Variants in CCSER1 observed in about 807,000 individuals in gnomAD.
CCSER1 encodes the protein serine-rich coiled-coil domain-containing protein 1.
A neutral mutation model predicts 82.0 loss-of-function variants in CCSER1; 41 were observed. That is an observed-to-expected ratio of 0.50 (90% CI 0.39 to 0.65). The LOEUF is 0.65. Ranked by LOEUF, CCSER1 falls within the 30% of genes least tolerant of loss-of-function variation. The pLI is 0.00. For missense variants in CCSER1, 1,119 were observed against 1,064.2 expected (o/e 1.05, Z -0.72); for synonymous variants, 414 against 383.9 (o/e 1.08, Z -0.92).
intron 8 of CCSER1, among the ~76,000 whole-genome samples, chr4:90,836,182 A>G (rs1477648239): frequency 6.6e-6 from 1 of 152,198 alleles, no homozygotes; most frequent in Non-Finnish European, 1.5e-5. Flanking sequence ...GTCCATCCAC[A>G]TCCATGCCCC....
chr4:91,119,554 C>G (rs1726912857), intron 10 of CCSER1, among the ~76,000 whole-genome samples: 1 of 151,502 alleles, frequency 6.6e-6, no homozygotes, highest in Non-Finnish European at 1.5e-5. Flanking sequence ...CTTTTATAAC[C>G]AAAACACAGT....
intron 9 of CCSER1, among the ~76,000 whole-genome samples, chr4:91,031,221 A>G (rs1228105881): frequency 6.6e-6 from 1 of 152,088 alleles, no homozygotes; most frequent in East Asian, 1.9e-4. Context: ...ACCTGTAATT[A>G]ATTTTTCACA....
intron 5 of CCSER1, among the ~76,000 whole-genome samples, chr4:90,570,712 T>G (rs910266968): frequency 6.6e-5 from 10 of 152,064 alleles, no homozygotes; most frequent in African/African-American, 2.4e-4. Flanking sequence ...GGGAGTCATC[T>G]TTTGCCTCCG....
At chr4:90,983,161 G>A (rs1736273346) in intron 9 of CCSER1, among the ~76,000 whole-genome samples, 1 of 151,634 alleles carries the variant, frequency 6.6e-6, no homozygotes, top group Non-Finnish European at 1.5e-5. Flanking sequence ...TAAAATAAAA[G>A]CAATTCCATT....
intron 1 of CCSER1, among the ~76,000 whole-genome samples, chr4:90,208,155 C>G (rs1739267034): frequency 6.6e-6 from 1 of 152,164 alleles, no homozygotes; most frequent in Non-Finnish European, 1.5e-5. Context: ...ATCTATAAGT[C>G]CCTGACTGGG....
At chr4:90,550,255 T>A (rs889523936) in intron 5 of CCSER1, among the ~76,000 whole-genome samples, 3 of 152,170 alleles carry the variant, frequency 2.0e-5, no homozygotes, top group Non-Finnish European at 2.9e-5. Context: ...TACAGCATAC[T>A]CAAAGTAATG....
chr4:91,366,811 T>C (rs1749647895), intron 10 of CCSER1, among the ~76,000 whole-genome samples: 1 of 152,214 alleles, frequency 6.6e-6, no homozygotes, highest in Non-Finnish European at 1.5e-5. Flanking sequence ...TAATGCAGTT[T>C]CACTATACAT....
chr4:90,253,244 A>G (rs1722706089), intron 1 of CCSER1, among the ~76,000 whole-genome samples: 1 of 152,138 alleles, frequency 6.6e-6, no homozygotes. Context: ...AGGAATGGAA[A>G]GAAATGTGCA....
At position 91,265,002 on chromosome 4, in the gene CCSER1, A is replaced by G. The variant is rs373645017; in HGVS notation, c.2217+179008A>G. Reference sequence around the variant, plus strand: ...TTTGGCTAAAATGACTTAAGGCACAATTAGCATTCATTGTGTATAAAGAAT... The same window carrying G: ...TTTGGCTAAAATGACTTAAGGCACAGTTAGCATTCATTGTGTATAAAGAAT... On this transcript the variant is annotated intron_variant, in intron 10 of 10. Transcript: ENST00000509176. Among the ~76,000 whole-genome samples the G allele has an allele frequency of 2.6e-5, 4 of 152,032 alleles. No homozygotes were observed. In the East Asian group the frequency reaches 5.8e-4, roughly 22 times the overall value.
At chr4:91,374,208 A>G (rs913205357) in intron 10 of CCSER1, among the ~76,000 whole-genome samples, 5 of 152,226 alleles carry the variant, frequency 3.3e-5, no homozygotes, top group African/African-American at 1.2e-4. Context: ...CATTTCAAAT[A>G]GCATATTTAC....
intron 5 of CCSER1, among the ~76,000 whole-genome samples, chr4:90,603,548 GAAGGA>G (rs1243062155): frequency 6.6e-6 from 1 of 152,174 alleles, no homozygotes; most frequent in Non-Finnish European, 1.5e-5. Flanking sequence ...GTATATAGAT[GAAGGA>G]GAGTGATGTT....
chr4:90,483,606 G>A (rs1275350634), intron 5 of CCSER1, among the ~76,000 whole-genome samples: 1 of 152,174 alleles, frequency 6.6e-6, no homozygotes, highest in Admixed American at 6.5e-5. Flanking sequence ...TGTCTGTAAA[G>A]TATTTTATTT....
chr4:91,585,431 A>G (rs1001566019), intron 10 of CCSER1, among the ~76,000 whole-genome samples: 16 of 151,450 alleles, frequency 1.1e-4, no homozygotes, highest in Admixed American at 6.0e-4. Flanking sequence ...TGGGAGAAAA[A>G]TTTGACACAA....
Position 90,322,322 on chromosome 4 carries a change from T to C in CCSER1, c.1509+9275T>C, listed in dbSNP as rs1397732723. Among the ~76,000 whole-genome samples the C allele has an allele frequency of 2.0e-5, 3 of 152,348 alleles. No individual in the cohort carries two copies. In the East Asian group the frequency reaches 5.8e-4, roughly 29 times the overall value. On this transcript the variant is annotated intron_variant, in intron 3 of 10. Transcript: ENST00000509176. ...GGATTTATTTCTGAGATCTCTACTC[T>C]GTTCCATTGGTCTGCGTGTCTGTTT...
chr4:90,932,986 A>AAGAGAGAAAG (rs1207260853), intron 9 of CCSER1, among the ~76,000 whole-genome samples: 5 of 29,174 alleles, frequency 1.7e-4, no homozygotes, highest in Middle Eastern at 0.014. Context: ...AAGAAAGAGA[A>AAGAGAGAAAG]AGAAAGAAAG....
chr4:91,139,114 A>G (rs1728774812), intron 10 of CCSER1, among the ~76,000 whole-genome samples: 1 of 152,130 alleles, frequency 6.6e-6, no homozygotes, highest in Non-Finnish European at 1.5e-5. Context: ...GCTCCTGCTT[A>G]CAAGTAAAAA....
chr4:90,994,926 G>A (rs1737360024), intron 9 of CCSER1, among the ~76,000 whole-genome samples: 1 of 152,072 alleles, frequency 6.6e-6, no homozygotes, highest in African/African-American at 2.4e-5. Flanking sequence ...TGCTTCTGGT[G>A]GTTATTCTAA....
At chr4:91,437,682 C>T (rs542152431) in intron 10 of CCSER1, among the ~76,000 whole-genome samples, 9 of 152,314 alleles carry the variant, frequency 5.9e-5, no homozygotes, top group South Asian at 2.1e-4. Context: ...CGAGGCATTG[C>T]CTCACTCAGG....
chr4:90,153,883 T>TTAACG (rs1409128564), intron 1 of CCSER1, among the ~76,000 whole-genome samples: 1 of 152,214 alleles, frequency 6.6e-6, no homozygotes, highest in Non-Finnish European at 1.5e-5. Context: ...GCTCTTTAAT[T>TTAACG]AGATCCCATT....
Sources: allele counts gnomAD v4.1 joint callset (sites outside exome capture counted in the v4.1 genomes callset), GRCh38; gene constraint gnomAD v4.1.1; transcripts MANE v1.5; gene names NCBI Gene and HGNC (gene_info 2026-07-23, HGNC 2026-07-21).